PRKN: variants seen among roughly 807,000 people sequenced by gnomAD.
PRKN encodes the protein parkin RBR E3 ubiquitin protein ligase.
PRKN carries 56 observed loss-of-function variants against 59.5 expected under a neutral mutation model. The observed-to-expected ratio is 0.94, with a 90% CI of 0.76 to 1.18. The LOEUF (loss-of-function observed/expected upper bound fraction) is 1.18. Among genes scored for constraint, PRKN ranks in the 50% most tolerant of loss-of-function variants. The pLI is 0.00. For synonymous variants in PRKN, 250 were observed against 222.1 expected (o/e 1.13, Z -1.12); for missense variants, 657 against 596.4 (o/e 1.10, Z -1.06).
intron 7 of PRKN, among the ~76,000 whole-genome samples, chr6:161,649,223 A>AC (rs1784066416): frequency 6.6e-6 from 1 of 151,886 alleles, no homozygotes; most frequent in African/African-American, 2.4e-5. Flanking sequence ...TGCATGACTG[A>AC]CCCCCTCTCT....
At chr6:161,816,932 A>G (rs542087047) in intron 6 of PRKN, among the ~76,000 whole-genome samples, 23 of 152,290 alleles carry the variant, frequency 1.5e-4, no homozygotes, top group Non-Finnish European at 3.1e-4. Context: ...CCCATAGGTA[A>G]GTTCTCCCTG....
At position 161,472,953 on chromosome 6, in the gene PRKN, C is replaced by T. The variant is rs562647552; in HGVS notation, c.1083+75901G>A. 3.3e-5 allele frequency among the ~76,000 whole-genome samples: 5 copies of T among 152,108 alleles called. No homozygotes were observed. In the South Asian group the frequency reaches 8.3e-4, roughly 25 times the overall value. ...CAGGCAAATGAAAACCATGAGATAG[C>T]AACTTATACCTGTTAGGATGGCCAT... On this transcript the variant is annotated intron_variant, in intron 9 of 11. Transcript: ENST00000366898.
rs972768412 is a variant in PRKN at position 161,964,781 on chromosome 6, C to G, written c.734+8521G>C. Among the ~76,000 whole-genome samples, 15 of 152,020 alleles carry G rather than the reference C, an allele frequency of 9.9e-5. 1 individual carries two copies. Among genetic ancestry groups the G allele is most frequent in the African/African-American group, 2.9e-4 (12 of 41,276 alleles). Reference sequence around the variant, plus strand: ...TTTTTGTACGTATACCTGAGTTTCTCACCATGCTCCTCAGAGTCTGATGAC... The same window carrying G: ...TTTTTGTACGTATACCTGAGTTTCTGACCATGCTCCTCAGAGTCTGATGAC... On this transcript the variant is annotated intron_variant, in intron 6 of 11. Coordinates refer to ENST00000366898, the MANE Select transcript of PRKN (RefSeq NM_004562.3).
At chr6:161,478,926 T>C (rs971643428) in intron 9 of PRKN, among the ~76,000 whole-genome samples, 1 of 152,212 alleles carries the variant, frequency 6.6e-6, no homozygotes, top group African/African-American at 2.4e-5. Flanking sequence ...GATGCAGCTA[T>C]AGTCATCATA....
At chr6:162,058,849 G>A (rs1307992972) in intron 4 of PRKN, among the ~76,000 whole-genome samples, 4 of 151,968 alleles carry the variant, frequency 2.6e-5, no homozygotes, top group African/African-American at 9.7e-5. Flanking sequence ...CTACTTGGGA[G>A]GCTGAGGGAG....
intron 1 of PRKN, among the ~76,000 whole-genome samples, chr6:162,453,718 C>T (rs1289371665): frequency 1.3e-5 from 2 of 152,112 alleles, no homozygotes; most frequent in Non-Finnish European, 2.9e-5. Context: ...GCCTGGCCAA[C>T]ATGGTGAAAC....
rs552827389 is a variant in PRKN at position 162,601,503 on chromosome 6, G to T, written c.7+126159C>A. 2.0e-5 allele frequency among the ~76,000 whole-genome samples: 3 copies of T among 152,270 alleles called. No individual in the cohort carries two copies. The East Asian group carries it at 5.8e-4, about 29-fold the overall frequency. ...TATCTTGCTGCTGATGGGCAGTCTT[G>T]CACAAGTACTTCCGTGGACATATGT... is the stretch of plus-strand genomic sequence containing the variant. On this transcript the variant is annotated intron_variant, in intron 1 of 11. Transcript: ENST00000366898.
At chr6:161,878,659 G>T (rs549609752) in intron 6 of PRKN, among the ~76,000 whole-genome samples, 35 of 152,168 alleles carry the variant, frequency 2.3e-4, no homozygotes, top group African/African-American at 7.7e-4. Context: ...CCAAGCCCAG[G>T]GTCCTTTTAG....
chr6:161,900,560 T>TAC (rs397771438), intron 6 of PRKN, among the ~76,000 whole-genome samples: 5 of 131,708 alleles, frequency 3.8e-5, no homozygotes, highest in Admixed American at 2.6e-4. Flanking sequence ...ATATTTTATA[T>TAC]GTTATATATT....
At chr6:161,598,608 G>C (rs935995568) in intron 7 of PRKN, among the ~76,000 whole-genome samples, 3 of 152,140 alleles carry the variant, frequency 2.0e-5, no homozygotes, top group African/African-American at 7.2e-5. Context: ...TATAAAACAT[G>C]ATTATCTTTC....
chr6:161,721,427 A>G (rs1053072454), intron 7 of PRKN, among the ~76,000 whole-genome samples: 1 of 152,236 alleles, frequency 6.6e-6, no homozygotes, highest in Non-Finnish European at 1.5e-5. Context: ...TCGTGCCTGC[A>G]TCTGCTCAAG....
At chr6:161,799,367 G>A (rs1371368460) in intron 6 of PRKN, among the ~76,000 whole-genome samples, 3 of 152,198 alleles carry the variant, frequency 2.0e-5, no homozygotes, top group South Asian at 4.1e-4. Context: ...AACAATTTTT[G>A]CAGTGTCCAG....
chr6:162,333,208 A>G (rs1783668773), intron 2 of PRKN, among the ~76,000 whole-genome samples: 1 of 151,840 alleles, frequency 6.6e-6, no homozygotes. Context: ...AATAAAGCAA[A>G]TAAAATGCCA....
chr6:162,358,452 T>C (rs904314205), intron 2 of PRKN, among the ~76,000 whole-genome samples: 5 of 152,186 alleles, frequency 3.3e-5, no homozygotes, highest in African/African-American at 1.2e-4. Flanking sequence ...TCCTTCTTTT[T>C]AAAATAATAA....
chr6:162,154,025 G>T (rs1030834180), intron 4 of PRKN, among the ~76,000 whole-genome samples: 2 of 152,164 alleles, frequency 1.3e-5, no homozygotes, highest in Non-Finnish European at 1.5e-5. Flanking sequence ...TTGGCTTAAA[G>T]GTGGGGCTTT....
chr6:162,315,995 C>T (rs905726036), intron 2 of PRKN, among the ~76,000 whole-genome samples: 1 of 151,216 alleles, frequency 6.6e-6, no homozygotes, highest in African/African-American at 2.4e-5. Context: ...AGGCAGCTAA[C>T]AAAGAGGGCA....
intron 10 of PRKN, among the ~76,000 whole-genome samples, chr6:161,368,382 G>GAGATATATAT (rs1401312451): frequency 4.0e-5 from 4 of 99,328 alleles, no homozygotes; most frequent in Admixed American, 1.1e-4. Flanking sequence ...CCTCAGTCTT[G>GAGATATATAT]ATATATATAT....
At chr6:161,674,188 G>A (rs1300494060) in intron 7 of PRKN, among the ~76,000 whole-genome samples, 1 of 152,104 alleles carries the variant, frequency 6.6e-6, no homozygotes, top group Non-Finnish European at 1.5e-5. Context: ...GGGAGTTAAA[G>A]AAGAACCACA....
In PRKN at chr6:161,393,981, G is replaced by T. The variant is rs1583013321; in HGVS notation, c.1084-7104C>A. ...AATAGATGAAATATTTTTCTTTTTGGTGTGTAGCTTTCCAGAAGATGGCAG... is the reference window on the plus strand; with the variant it reads ...AATAGATGAAATATTTTTCTTTTTGTTGTGTAGCTTTCCAGAAGATGGCAG... On this transcript the variant is annotated intron_variant, in intron 9 of 11. Transcript: ENST00000366898. The surrounding 1 kb of genome is among the most constrained non-coding windows in gnomAD (Gnocchi z 4.7). Among the ~76,000 whole-genome samples, 2 of 152,018 alleles carry T rather than the reference G, an allele frequency of 1.3e-5. No homozygotes were observed. Among genetic ancestry groups the T allele is most frequent in the African/African-American group, 4.8e-5 (2 of 41,362 alleles).
Sources: allele counts gnomAD v4.1 joint callset (sites outside exome capture counted in the v4.1 genomes callset), GRCh38; gene constraint gnomAD v4.1.1; non-coding constraint Gnocchi (gnomAD v3.1); transcripts MANE v1.5; gene names NCBI Gene and HGNC (gene_info 2026-07-23, HGNC 2026-07-21).